GNPTAB: variants seen among roughly 807,000 people sequenced by gnomAD.
GNPTAB encodes N-acetylglucosamine-1-phosphate transferase subunits alpha and beta.
In GNPTAB, 92 loss-of-function variants were observed where a neutral mutation model predicts 136.6. That is an observed-to-expected ratio of 0.67 (90% CI 0.57 to 0.80). The LOEUF (loss-of-function observed/expected upper bound fraction) is 0.80. Among genes scored for constraint, GNPTAB ranks in the 30% least tolerant of loss-of-function variants. The pLI, the probability that GNPTAB is intolerant of heterozygous loss-of-function variation, is 0.00. For synonymous variants in GNPTAB, 512 were observed against 535.1 expected (o/e 0.96, Z 0.60); for missense variants, 1,343 against 1,501.8 (o/e 0.89, Z 1.75).
At position 101,776,174 on chromosome 12, in the gene GNPTAB, C is replaced by T. The variant is rs11111018; in HGVS notation, c.771+3978G>A. On this transcript the variant is annotated intron_variant, in intron 7 of 20. Transcript: ENST00000299314. ...CTTAGCATGAGAATTCACTTGACAG[C>T]TTTGGGAAGATTTCCCACTTGCTCT... Among the ~76,000 whole-genome samples, 3,428 of 152,274 alleles carry T rather than the reference C, an allele frequency of 0.023. 354 individuals are homozygous for T. In the East Asian group the frequency reaches 0.31, roughly 14 times the overall value.
chr12:101,810,318 T>C (rs560229426), intron 1 of GNPTAB, among the ~76,000 whole-genome samples: 1 of 151,716 alleles, frequency 6.6e-6, no homozygotes, highest in South Asian at 2.1e-4. Context: ...AGAGGGAGTA[T>C]ACAGGAATTT....
At chr12:101,756,049 TA>T (rs1446500307) in intron 18 of GNPTAB, among the ~76,000 whole-genome samples, 1 of 152,164 alleles carries the variant, frequency 6.6e-6, no homozygotes, top group Non-Finnish European at 1.5e-5. Context: ...TCTTAAAAGC[TA>T]AAGTTATTTT....
In GNPTAB at chr12:101,761,553, G is replaced by C. The variant is rs1347482991; in HGVS notation, c.2915+11C>G. The C allele has an allele frequency of 1.2e-6, 2 of 1,611,322 alleles. No homozygotes were observed. Among genetic ancestry groups the C allele is most frequent in the African/African-American group, 2.7e-5 (2 of 74,330 alleles). On this transcript the variant is annotated intron_variant, in intron 14 of 20. Transcript: ENST00000299314. The stretch of plus-strand genomic sequence containing the variant: ...ACACAAGCAAACAACTCAAACACGA[G>C]CAAGACTTACATATCTTGCAGTTCT...
intron 18 of GNPTAB, among the ~76,000 whole-genome samples, chr12:101,755,763 TTAA>T (rs1481837669): frequency 6.6e-6 from 1 of 151,920 alleles, no homozygotes; most frequent in Non-Finnish European, 1.5e-5. Context: ...TAAACAAGGG[TTAA>T]TGATAAAATC....
At chr12:101,759,697 A>G (rs187616241) in intron 16 of GNPTAB, among the ~76,000 whole-genome samples, 1 of 152,330 alleles carries the variant, frequency 6.6e-6, no homozygotes. Flanking sequence ...ATGATATTCC[A>G]TGTGATGAAT....
chr12:101,765,491 G>GTGC (rs1199836864), intron 12 of GNPTAB, 187 bp from the exon 13 acceptor site: 43 of 594,114 alleles, frequency 7.2e-5, no homozygotes, highest in Non-Finnish European at 1.2e-4. Context: ...TTTAGTATAT[G>GTGC]TGCTGCTGAA....
At chr12:101,813,944 T>C (rs1014185038) in intron 1 of GNPTAB, among the ~76,000 whole-genome samples, 4 of 152,018 alleles carry the variant, frequency 2.6e-5, no homozygotes, top group Non-Finnish European at 5.9e-5. Context: ...CCAGGTGTGG[T>C]GGCATGCACC....
chr12:101,760,186 G>A (rs1176536067), intron 15 of GNPTAB, 43 bp from the exon 16 acceptor site: 1 of 1,162,810 alleles, frequency 8.6e-7, no homozygotes, highest in South Asian at 1.2e-5. Context: ...CGCATTGTAA[G>A]TAATGACTGT....
intron 2 of GNPTAB, chr12:101,796,129 T>C (rs1869267524): frequency 1.5e-6 from 1 of 675,744 alleles, no homozygotes; most frequent in South Asian, 1.6e-5. Context: ...TCAGCCCCAG[T>C]GGTTTACTGG....
intron 11 of GNPTAB, chr12:101,767,823 G>T: frequency 1.5e-6 from 1 of 652,916 alleles, no homozygotes; most frequent in Non-Finnish European, 2.7e-6. Context: ...TTACTATGTT[G>T]CCCAAGCTGG....
In GNPTAB at chr12:101,747,003, TG is replaced by T. The variant is rs1346385310; in HGVS notation, c.*160del. 1 of 638,340 alleles carries T rather than the reference TG, an allele frequency of 1.6e-6. No individual in the cohort carries two copies. Among genetic ancestry groups the T allele is most frequent in the Non-Finnish European group, 2.9e-6 (1 of 350,420 alleles). 39.5% of individuals were successfully genotyped at this position (638,340 alleles called of 1,614,324 possible). A position where few individuals can be genotyped will look rare whatever the true frequency, so the allele number is the denominator to read the frequency against. On this transcript the variant is annotated 3_prime_UTR_variant, in exon 21 of 21. Coordinates refer to ENST00000299314, the MANE Select transcript of GNPTAB (RefSeq NM_024312.5). ...TTCAGTGGGTTGGTTAAATAATTCC[TG>T]GTCAGTGGGCTATATTCATGCCACA...
At chr12:101,803,639 C>G (rs1302811476) in intron 1 of GNPTAB, among the ~76,000 whole-genome samples, 1 of 152,192 alleles carries the variant, frequency 6.6e-6, no homozygotes, top group South Asian at 2.1e-4. Flanking sequence ...GCAATAGACA[C>G]ACAACATAAC....
At chr12:101,763,082 C>T (rs1348228110) in intron 13 of GNPTAB, among the ~76,000 whole-genome samples, 1 of 151,770 alleles carries the variant, frequency 6.6e-6, no homozygotes, top group African/African-American at 2.4e-5. Context: ...ATTGGCCAGG[C>T]ATGCTGGCAC....
chr12:101,796,228 C>T (rs765194941), intron 2 of GNPTAB: 2 of 702,414 alleles, frequency 2.8e-6, no homozygotes, highest in South Asian at 3.0e-5. Context: ...TTTCCTCATC[C>T]TACAGGGGGA....
At chr12:101,748,450 C>T (rs945526090) in intron 20 of GNPTAB, among the ~76,000 whole-genome samples, 1 of 152,182 alleles carries the variant, frequency 6.6e-6, no homozygotes, top group Admixed American at 6.5e-5. Context: ...AATCCTTTTT[C>T]TTCAGAGTAT....
intron 1 of GNPTAB, among the ~76,000 whole-genome samples, chr12:101,806,847 C>T (rs921646961): frequency 6.6e-6 from 1 of 151,570 alleles, no homozygotes; most frequent in Admixed American, 6.6e-5. Context: ...TTACCAAACA[C>T]TTAAGGAAAA....
At chr12:101,782,944 CA>C (rs978930777) in intron 5 of GNPTAB, among the ~76,000 whole-genome samples, 4 of 152,050 alleles carry the variant, frequency 2.6e-5, no homozygotes, top group African/African-American at 9.7e-5. Flanking sequence ...CATTTCCACT[CA>C]AAAGTCACCT....
chr12:101,780,123 G>C (rs941316630), intron 7 of GNPTAB, 29 bp downstream of exon 7: 2 of 1,603,144 alleles, frequency 1.2e-6, no homozygotes, highest in African/African-American at 2.7e-5. Flanking sequence ...AATGTGCCAG[G>C]CTAATTGCTC....
rs977135817 is a variant in GNPTAB, at chr12:101,759,915, CAT to C, written c.3249+113_3249+114del. On this transcript the variant is annotated intron_variant, in intron 16 of 20. Transcript: ENST00000299314. ...CTGTGCTACTGTTTTGCAACAAAGA[CAT>C]ATAAAACCATAGAGCCTGCTGCTAG... 9.5e-6 allele frequency: 7 copies of C among 738,282 alleles called. No homozygotes were observed. The Admixed American group carries it at 9.5e-5, about 10-fold the overall frequency. 45.7% of individuals were successfully genotyped at this position (738,282 alleles called of 1,614,324 possible).
Sources: allele counts gnomAD v4.1 joint callset (sites outside exome capture counted in the v4.1 genomes callset), GRCh38; gene constraint gnomAD v4.1.1; transcripts MANE v1.5; gene names NCBI Gene and HGNC (gene_info 2026-07-23, HGNC 2026-07-21).